Variants in CEP162 observed in about 807,000 individuals in gnomAD.
CEP162 encodes the protein centrosomal protein 162, also known as centrosomal protein of 162 kDa.
Under a neutral mutation model 169.2 loss-of-function variants are expected in CEP162, and 141 were observed. The ratio of observed to expected loss-of-function variants is 0.83; its 90% CI spans 0.73 to 0.96. The LOEUF (loss-of-function observed/expected upper bound fraction) is 0.96, where lower values mean the gene tolerates loss of function less well. Ranked by LOEUF, CEP162 falls within the 40% of genes least tolerant of loss-of-function variation. CEP162 has a pLI of 0.00. For missense variants in CEP162, 1,600 were observed against 1,587.2 expected, an observed-to-expected ratio of 1.01 and a Z score of -0.14; for synonymous variants, 540 against 526.4, an observed-to-expected ratio of 1.03 and a Z score of -0.35.
rs1025550329 is a variant in CEP162 at position 84,185,412 on chromosome 6, C to A, written c.1438G>T (p.Ala480Ser). 1 of 1,613,440 alleles carries A rather than the reference C, an allele frequency of 6.2e-7. No homozygotes were observed. The highest frequency in any genetic ancestry group is 8.5e-7 in the Non-Finnish European group (1 of 1,179,462). Residue 480 changes from alanine to serine, a missense_variant, in exon 13 of 27, where the codon GCT becomes TCT. Physicochemically the swap from Ala to Ser is moderately conservative, Grantham distance 99. Transcript: ENST00000403245. The stretch of plus-strand genomic sequence containing the variant: ...TATGGTACCTGTTTACCCATTACAG[C>A]CCCTTCTTCTTCAGAACTAAGTTGA... ...RSQLSSEEEG[A>S]VMGKQVPYKK...
chr6:84,147,445 A>C (rs1243593115), intron 24 of CEP162, among the ~76,000 whole-genome samples: 1 of 152,134 alleles, frequency 6.6e-6, no homozygotes, highest in Non-Finnish European at 1.5e-5. Flanking sequence ...TGTACTTGGC[A>C]ACAATATTAT....
In CEP162 at chr6:84,146,712, A is replaced by T; in HGVS notation, c.3845T>A (p.Val1282Asp). Residue 1282 changes from valine (V) to aspartate (D), a missense_variant, in exon 25 of 27, where the codon GTT (valine) becomes GAT (aspartate). Transcript: ENST00000403245. ...SKQESLVVSE[V>D]REEILQKEIT... is the part of the protein sequence containing the mutation. ...CTCTTTCTGTAGAATTTCTTCTCGA[A>T]CTTCAGAAACTACGAGAGACTCTTG... 1 of 1,573,190 alleles carries T rather than the reference A, an allele frequency of 6.4e-7. No homozygotes were observed. The highest frequency in any genetic ancestry group is 8.6e-7 in the Non-Finnish European group (1 of 1,158,930).
intron 18 of CEP162, among the ~76,000 whole-genome samples, chr6:84,167,049 G>A (rs949087942): frequency 6.6e-5 from 10 of 152,130 alleles, no homozygotes; most frequent in African/African-American, 2.4e-4. Flanking sequence ...AACATGATGG[G>A]ACTAAATGTG....
rs544605626 is a variant in CEP162, at chr6:84,223,455, C to T, written c.58-2284G>A. On this transcript the variant is annotated intron_variant, in intron 2 of 26. Coordinates refer to ENST00000403245, the MANE Select transcript of CEP162 (RefSeq NM_014895.4). ...CAGAGGTTGCAGTGAGCCAAGATTG[C>T]GTCACTGCACTCCAGCCTGGGTGAC... Among the ~76,000 whole-genome samples, 1,249 of 151,302 alleles carry T rather than the reference C, an allele frequency of 8.3e-3. 17 individuals are homozygous for T. The highest frequency in any genetic ancestry group is 0.029 in the African/African-American group (1,192 of 41,234).
chr6:84,214,021 G>A (rs1221475349), intron 5 of CEP162, among the ~76,000 whole-genome samples: 2 of 152,212 alleles, frequency 1.3e-5, no homozygotes, highest in Non-Finnish European at 2.9e-5. Context: ...GCTCATGCCT[G>A]TAATCCCAGC....
rs765888276 is a variant in CEP162 at position 84,193,632 on chromosome 6, A to C, written c.1086T>G (p.Ser362Arg). The C allele has an allele frequency of 1.3e-5, 21 of 1,563,136 alleles. No homozygotes were observed. The highest frequency in any genetic ancestry group is 5.7e-5 in the Admixed American group (3 of 52,956). ...ACCTGACAGGTTGTAAATCAAAACC[A>C]CTGATCCCAAAGGAATCTATTCTGA... is the stretch of plus-strand genomic sequence containing the variant. Reference protein sequence around the residue: ...KPIRIDSFGISGFDLQPVSSE... With the variant: ...KPIRIDSFGIRGFDLQPVSSE... The change falls in exon 11 of 27, where the codon AGT becomes AGG. Residue 362 changes from serine (S) to arginine (R), a missense_variant. Ser to Arg is a moderately radical substitution (Grantham distance 110). Coordinates refer to ENST00000403245, the MANE Select transcript of CEP162 (RefSeq NM_014895.4).
At chr6:84,211,419 C>T (rs1337502912) in intron 6 of CEP162, among the ~76,000 whole-genome samples, 2 of 149,372 alleles carry the variant, frequency 1.3e-5, no homozygotes, top group Non-Finnish European at 3.0e-5. Flanking sequence ...CCCAGCTACT[C>T]AGGAGGCTGA....
chr6:84,172,910 T>A (rs146677244), intron 16 of CEP162, among the ~76,000 whole-genome samples: 1 of 152,286 alleles, frequency 6.6e-6, no homozygotes, highest in Non-Finnish European at 1.5e-5. Flanking sequence ...TTATGTTGAT[T>A]TGAAGATAAC....
At chr6:84,215,521 T>G (rs2099551208) in intron 4 of CEP162, 56 bp from the exon 5 acceptor site, 1 of 1,338,890 alleles carries the variant, frequency 7.5e-7, no homozygotes, top group African/African-American at 1.5e-5. Flanking sequence ...AAAACATTGA[T>G]TTGAATGATG....
At chr6:84,149,470 A>C in intron 24 of CEP162, 92 bp downstream of exon 24, 1 of 1,052,062 alleles carries the variant, frequency 9.5e-7, no homozygotes, top group Admixed American at 3.4e-5. Context: ...AAAAAGTTAA[A>C]ACATTTCCAA....
intron 3 of CEP162, chr6:84,219,162 A>G (rs1419700951): frequency 7.7e-7 from 1 of 1,292,018 alleles, no homozygotes; most frequent in Non-Finnish European, 1.0e-6. Flanking sequence ...TCTCCCTCAG[A>G]AGGTTCTACA....
rs188510112 is a variant in CEP162, at chr6:84,126,728, G to A, written c.3871-216C>T. On this transcript the variant is annotated intron_variant, in intron 25 of 26. Coordinates refer to ENST00000403245, the MANE Select transcript of CEP162 (RefSeq NM_014895.4). ...CATTCTAAGAGGTTCCGGATGAATG[G>A]ACCATCTTCTACCTCCCAAGTATGG... Among the ~76,000 whole-genome samples the A allele has an allele frequency of 1.2e-3, 186 of 152,240 alleles. 2 individuals carry two copies. The highest frequency in any genetic ancestry group is 4.1e-4 in the Non-Finnish European group (28 of 68,014).
chr6:84,221,972 T>G (rs2099553888), intron 2 of CEP162, among the ~76,000 whole-genome samples: 1 of 151,788 alleles, frequency 6.6e-6, no homozygotes, highest in African/African-American at 2.4e-5. Flanking sequence ...ATTATACACC[T>G]GCTCAGCACT....
intron 2 of CEP162, among the ~76,000 whole-genome samples, chr6:84,226,047 T>G (rs2099555617): frequency 6.7e-6 from 1 of 148,762 alleles, no homozygotes; most frequent in African/African-American, 2.6e-5. Context: ...AGTTGTTTGT[T>G]TTTTTTTTTC....
intron 2 of CEP162, among the ~76,000 whole-genome samples, chr6:84,222,858 CAAG>C (rs2099554250): frequency 6.6e-6 from 1 of 152,172 alleles, no homozygotes; most frequent in South Asian, 2.1e-4. Context: ...TAAAAATGTT[CAAG>C]AAGAACTTAA....
At chr6:84,180,052 T>A (rs1357508388) in intron 13 of CEP162, among the ~76,000 whole-genome samples, 1 of 152,050 alleles carries the variant, frequency 6.6e-6, no homozygotes, top group African/African-American at 2.4e-5. Flanking sequence ...AAAAGAGAAT[T>A]TTAGACCAAT....
intron 6 of CEP162, among the ~76,000 whole-genome samples, 187 bp downstream of exon 6, chr6:84,212,770 A>T (rs901377702): frequency 6.6e-6 from 1 of 152,248 alleles, no homozygotes; most frequent in Middle Eastern, 3.4e-3. Flanking sequence ...TCTATGAAAA[A>T]AACCTTTTTA....
intron 25 of CEP162, among the ~76,000 whole-genome samples, chr6:84,134,915 T>TACAC (rs1464989596): frequency 0.011 from 803 of 74,062 alleles, 4 homozygotes; most frequent in African/African-American, 0.037. Context: ...GAAAAGATCA[T>TACAC]ATATACACAC....
At chr6:84,202,478 T>C (rs1226621438) in intron 7 of CEP162, among the ~76,000 whole-genome samples, 1 of 151,734 alleles carries the variant, frequency 6.6e-6, no homozygotes, top group Non-Finnish European at 1.5e-5. Flanking sequence ...CTATTATGCC[T>C]TGTACTGACC....
Sources: allele counts gnomAD v4.1 joint callset (sites outside exome capture counted in the v4.1 genomes callset), GRCh38; gene constraint gnomAD v4.1.1; transcripts MANE v1.5; gene names NCBI Gene and HGNC (gene_info 2026-07-23, HGNC 2026-07-21).